TMEM163: variants seen among roughly 807,000 people sequenced by gnomAD.
TMEM163 encodes the protein transmembrane protein 163.
A neutral mutation model predicts 29.3 loss-of-function variants in TMEM163; 17 were observed. That is an observed-to-expected ratio of 0.58 (90% CI 0.40 to 0.87). The LOEUF is 0.87. TMEM163 is among the 40% of genes least tolerant of loss of function. The probability of loss-of-function intolerance (pLI) is 0.00; values close to 1 mark genes in which losing one functional copy is unlikely to be tolerated. For missense variants in TMEM163, 303 were observed against 381.5 expected, an observed-to-expected ratio of 0.79 and a Z score of 1.71; for synonymous variants, 157 against 160.6, an observed-to-expected ratio of 0.98 and a Z score of 0.17.
chr2:134,659,057 C>A (rs1046708360), intron 2 of TMEM163, among the ~76,000 whole-genome samples: 1 of 152,204 alleles, frequency 6.6e-6, no homozygotes, highest in Non-Finnish European at 1.5e-5. Flanking sequence ...GATGGGATAG[C>A]GTACTGCATA....
chr2:134,615,523 C>T (rs1363453156), intron 2 of TMEM163, among the ~76,000 whole-genome samples: 2 of 152,178 alleles, frequency 1.3e-5, no homozygotes, highest in Non-Finnish European at 2.9e-5. Flanking sequence ...AGAAAATTAA[C>T]AGCAGAAACA....
At chr2:134,459,484 A>AACAAGGG (rs1558909262) in intron 6 of TMEM163, among the ~76,000 whole-genome samples, 1 of 92,630 alleles carries the variant, frequency 1.1e-5, no homozygotes, top group African/African-American at 5.5e-5. Flanking sequence ...TCCTTCCCAG[A>AACAAGGG]TTGGATTGGA....
chr2:134,672,971 C>T (rs376057808), intron 2 of TMEM163, among the ~76,000 whole-genome samples: 1 of 152,146 alleles, frequency 6.6e-6, no homozygotes, highest in Non-Finnish European at 1.5e-5. Flanking sequence ...GCAAGTTCCA[C>T]TCATGGCTAG....
chr2:134,548,961 G>A (rs1471176847), intron 4 of TMEM163, among the ~76,000 whole-genome samples: 1 of 152,060 alleles, frequency 6.6e-6, no homozygotes, highest in Non-Finnish European at 1.5e-5. Flanking sequence ...TCAGAGTAGA[G>A]ATGCTCAACC....
At chr2:134,656,234 G>A (rs1230862524) in intron 2 of TMEM163, among the ~76,000 whole-genome samples, 1 of 149,786 alleles carries the variant, frequency 6.7e-6, no homozygotes, top group Non-Finnish European at 1.5e-5. Flanking sequence ...AGCCAGGTGT[G>A]GGATATAATC....
At chr2:134,501,438 T>C (rs981147856) in intron 5 of TMEM163, among the ~76,000 whole-genome samples, 1 of 152,230 alleles carries the variant, frequency 6.6e-6, no homozygotes, top group Non-Finnish European at 1.5e-5. Flanking sequence ...CCCTATCACA[T>C]GAGCCCTGCT....
chr2:134,661,541 T>A (rs1352547314), intron 2 of TMEM163, among the ~76,000 whole-genome samples: 1 of 152,252 alleles, frequency 6.6e-6, no homozygotes, highest in Admixed American at 6.5e-5. Context: ...ATGAAGATCG[T>A]GCAACCCTAT....
At chr2:134,524,288 T>C (rs1481796865) in intron 4 of TMEM163, among the ~76,000 whole-genome samples, 4 of 152,002 alleles carry the variant, frequency 2.6e-5, no homozygotes, top group African/African-American at 7.3e-5. Flanking sequence ...AGAGGTGTAA[T>C]TGGTCTGGGA....
At chr2:134,569,284 G>A (rs1286625740) in intron 2 of TMEM163, among the ~76,000 whole-genome samples, 1 of 152,076 alleles carries the variant, frequency 6.6e-6, no homozygotes, top group African/African-American at 2.4e-5. Context: ...CACTGCCATG[G>A]TTGGACCACC....
chr2:134,524,524 C>T (rs1325467097), intron 4 of TMEM163, among the ~76,000 whole-genome samples: 1 of 149,812 alleles, frequency 6.7e-6, no homozygotes, highest in African/African-American at 2.5e-5. Flanking sequence ...ATGCCCTCCC[C>T]CTTTCACCCC....
rs370626495 is a variant in TMEM163 at position 134,464,050 on chromosome 2, C to T, written c.667+2064G>A. Among the ~76,000 whole-genome samples, 48 of 152,296 alleles carry T rather than the reference C, an allele frequency of 3.2e-4. 1 individual carries two copies. The South Asian group carries it at 8.9e-3, about 28-fold the overall frequency. ...AGGCAGTCAAGGTAGTCAATCCTCT[C>T]GCCATTTTAAACTGCTTTTACCATC... On this transcript the variant is annotated intron_variant, in intron 6 of 7. Transcript: ENST00000281924.
chr2:134,515,028 G>A (rs1177522297), intron 4 of TMEM163, among the ~76,000 whole-genome samples: 2 of 152,220 alleles, frequency 1.3e-5, no homozygotes, highest in Non-Finnish European at 2.9e-5. Context: ...TGCTATTGCA[G>A]CAAAGCTGAC....
chr2:134,603,370 G>A (rs1682277137), intron 2 of TMEM163, among the ~76,000 whole-genome samples: 2 of 152,208 alleles, frequency 1.3e-5, no homozygotes, highest in Non-Finnish European at 2.9e-5. Context: ...TGAACTGACG[G>A]TAATGAGGAA....
intron 3 of TMEM163, among the ~76,000 whole-genome samples, chr2:134,551,506 G>A (rs1228479342): frequency 6.6e-6 from 1 of 152,156 alleles, no homozygotes; most frequent in Non-Finnish European, 1.5e-5. Flanking sequence ...ACACTTCTCA[G>A]CTGGAAAATC....
intron 4 of TMEM163, among the ~76,000 whole-genome samples, chr2:134,505,211 G>C (rs141421234): frequency 1.3e-3 from 199 of 148,724 alleles, no homozygotes; most frequent in African/African-American, 4.7e-3. Flanking sequence ...CCAGCACTGA[G>C]AGCACATTGT....
At chr2:134,489,639 A>G (rs2106481927) in intron 5 of TMEM163, among the ~76,000 whole-genome samples, 1 of 152,274 alleles carries the variant, frequency 6.6e-6, no homozygotes, top group Admixed American at 6.5e-5. Context: ...ACCCACAACA[A>G]TGTTATAGTT....
chr2:134,597,910 T>G (rs2104807532), intron 2 of TMEM163, among the ~76,000 whole-genome samples: 1 of 152,340 alleles, frequency 6.6e-6, no homozygotes, highest in Non-Finnish European at 1.5e-5. Flanking sequence ...GTTGAGGTAT[T>G]TATAGTATTC....
At chr2:134,483,524 C>T (rs1679244910) in intron 5 of TMEM163, among the ~76,000 whole-genome samples, 1 of 152,124 alleles carries the variant, frequency 6.6e-6, no homozygotes, top group Non-Finnish European at 1.5e-5. Flanking sequence ...TTATTTAATG[C>T]CCATTAGAAA....
At chr2:134,545,861 A>G (rs1680770487) in intron 4 of TMEM163, among the ~76,000 whole-genome samples, 1 of 152,180 alleles carries the variant, frequency 6.6e-6, no homozygotes, top group South Asian at 2.1e-4. Flanking sequence ...TCATCTTCTA[A>G]TCAAGACTGC....
Sources: gnomAD v4.1 joint callset for allele counts (sites outside exome capture counted in the v4.1 genomes callset) on GRCh38, gnomAD v4.1.1 for gene constraint, MANE v1.5 for transcripts, NCBI Gene and HGNC (gene_info 2026-07-23, HGNC 2026-07-21) for gene names.